The following CD96 variants were observed in gnomAD, a reference collection of about 807,000 sequenced individuals.
CD96 encodes the protein T-cell surface protein tactile.
Under a neutral mutation model 71.3 loss-of-function variants are expected in CD96, and 70 were observed. The observed-to-expected ratio is 0.98, with a 90% CI of 0.81 to 1.20. The LOEUF (loss-of-function observed/expected upper bound fraction) is 1.20. CD96 is among the 50% of genes most tolerant of loss of function. The pLI, the probability that CD96 is intolerant of heterozygous loss-of-function variation, is 0.00. For missense variants in CD96, 742 were observed against 677.5 expected, an observed-to-expected ratio of 1.10 and a Z score of -1.06; for synonymous variants, 248 against 233.0, an observed-to-expected ratio of 1.06 and a Z score of -0.59.
chr3:111,589,095 C>T (rs903075634), intron 5 of CD96, among the ~76,000 whole-genome samples: 9 of 151,814 alleles, frequency 5.9e-5, no homozygotes, highest in Non-Finnish European at 1.2e-4. Flanking sequence ...GGATTACAGG[C>T]GCCTGCCACC....
chr3:111,567,064 G>A (rs1935748682), intron 2 of CD96, among the ~76,000 whole-genome samples: 1 of 152,168 alleles, frequency 6.6e-6, no homozygotes, highest in African/African-American at 2.4e-5. Flanking sequence ...GGGGGAGGCT[G>A]TGGGTGGGTA....
chr3:111,618,974 A>C (rs1938387462), intron 8 of CD96, among the ~76,000 whole-genome samples: 1 of 152,120 alleles, frequency 6.6e-6, no homozygotes, highest in African/African-American at 2.4e-5. Context: ...GTCCATATTA[A>C]ATTATTTTTA....
At chr3:111,592,567 A>G (rs1937042223) in intron 5 of CD96, among the ~76,000 whole-genome samples, 2 of 151,428 alleles carry the variant, frequency 1.3e-5, no homozygotes, top group South Asian at 4.1e-4. Context: ...TTTTCCCTAG[A>G]GCACTGTCTC....
At chr3:111,653,653 C>T (rs1375292801), downstream of CD96, among the ~76,000 whole-genome samples, 1 of 152,118 alleles carries the variant, frequency 6.6e-6, no homozygotes, top group Non-Finnish European at 1.5e-5. Flanking sequence ...GTAAAACCAA[C>T]GTGATGACCC....
At chr3:111,566,689 T>C (rs1935728787) in intron 2 of CD96, among the ~76,000 whole-genome samples, 1 of 152,172 alleles carries the variant, frequency 6.6e-6, no homozygotes, top group Non-Finnish European at 1.5e-5. Flanking sequence ...ACTTTCCCAA[T>C]AGGAGAGACT....
intron 2 of CD96, among the ~76,000 whole-genome samples, chr3:111,549,124 C>T (rs1934563125): frequency 6.6e-6 from 1 of 152,040 alleles, no homozygotes; most frequent in Non-Finnish European, 1.5e-5. Context: ...CCTTTCCCTT[C>T]CCCCTTATTT....
At chr3:111,638,035 T>C in intron 11 of CD96, 44 bp from the exon 12 acceptor site, 2 of 1,038,726 alleles carry the variant, frequency 1.9e-6, no homozygotes, top group Non-Finnish European at 3.1e-6. Flanking sequence ...TACCACTTGA[T>C]CAAGTTGAGA....
Position 111,581,803 on chromosome 3 carries a change from G to T in CD96, c.751+2569G>T, listed in dbSNP as rs575225462. 7.2e-5 allele frequency among the ~76,000 whole-genome samples: 11 copies of T among 152,314 alleles called. No individual in the cohort carries two copies. In the South Asian group the frequency reaches 2.1e-3, roughly 29 times the overall value. ...GTAAGAGATACCTCTCCATCCATTA[G>T]TGTTTCAGGTTGTATCTTGGTTTTG... is the stretch of plus-strand genomic sequence containing the variant. On this transcript the variant is annotated intron_variant, in intron 4 of 13. Coordinates refer to ENST00000352690, the MANE Select transcript of CD96 (RefSeq NM_005816.5).
At chr3:111,624,116 A>G (rs1269833811) in intron 9 of CD96, among the ~76,000 whole-genome samples, 1 of 152,240 alleles carries the variant, frequency 6.6e-6, no homozygotes, top group Non-Finnish European at 1.5e-5. Flanking sequence ...GTTTGTGACA[A>G]GAACAGAAAA....
At chr3:111,662,834 T>G (rs1940389964) in intron 14 of CD96, among the ~76,000 whole-genome samples, 1 of 152,242 alleles carries the variant, frequency 6.6e-6, no homozygotes, top group African/African-American at 2.4e-5. Context: ...CTTCCTGCCT[T>G]CTTCTGATCC....
Position 111,598,147 on chromosome 3 carries a change from G to C in CD96, c.835G>C (p.Val279Leu). The stretch of plus-strand genomic sequence containing the variant: ...AAGATTTACCTGCTTACTAAAGAAT[G>C]TATTTCCCAAAGCAAATATCACATG... ...ERRFTCLLKN[V>L]FPKANITWFI... The change falls in exon 6 of 14, where the codon GTA (valine) becomes CTA (leucine). Residue 279 changes from valine (V) to leucine (L), a missense_variant. Physicochemically the swap from Val to Leu is conservative, Grantham distance 32. Coordinates refer to ENST00000352690, the MANE Select transcript of CD96 (RefSeq NM_005816.5). The C allele has an allele frequency of 6.7e-7, 1 of 1,494,126 alleles. No individual in the cohort carries two copies. Among genetic ancestry groups the C allele is most frequent in the Non-Finnish European group, 9.3e-7 (1 of 1,071,376 alleles). The allele number at this position is 1,494,126 out of a possible 1,614,324, so 92.6% of individuals were successfully genotyped here. A position where few individuals can be genotyped will look rare whatever the true frequency, so the allele number is the denominator to read the frequency against.
intron 2 of CD96, among the ~76,000 whole-genome samples, chr3:111,562,263 A>T (rs1935486581): frequency 6.6e-6 from 1 of 152,108 alleles, no homozygotes; most frequent in African/African-American, 2.4e-5. Context: ...AGTCTCTTAA[A>T]TTCAACACCT....
rs190330336 is a variant in CD96, at chr3:111,552,774, T to G, written c.418+7372T>G. Among the ~76,000 whole-genome samples, 158 of 152,336 alleles carry G rather than the reference T, an allele frequency of 1.0e-3. 1 individual carries two copies. In the Middle Eastern group the frequency reaches 0.014, roughly 13 times the overall value. ...AGGAAGAAAGGGATTGTTTTGTTTT[T>G]CTTAAAATATGTTGCTCATAACTGA... is the stretch of plus-strand genomic sequence containing the variant. On this transcript the variant is annotated intron_variant, in intron 2 of 13. Transcript: ENST00000352690.
At position 111,577,515 on chromosome 3, in the gene CD96, C is replaced by T. The variant is rs145204219; in HGVS notation, c.544-1512C>T. 7.8e-5 allele frequency: 125 copies of T among 1,606,670 alleles called. No individual in the cohort carries two copies. The highest frequency in any genetic ancestry group is 6.5e-4 in the African/African-American group (49 of 74,860). On this transcript the variant is annotated intron_variant, in intron 3 of 13. Coordinates refer to ENST00000352690, the MANE Select transcript of CD96 (RefSeq NM_005816.5). ...CTTCTTCCTTAGGAAAACAGCAGCA[C>T]GGATTCTTGGGTCCTTCTTTCTAAG...
At chr3:111,555,617 G>C (rs974669454) in intron 2 of CD96, among the ~76,000 whole-genome samples, 13 of 152,284 alleles carry the variant, frequency 8.5e-5, no homozygotes, top group Non-Finnish European at 4.4e-5. Context: ...TTGTTTGGTT[G>C]GTTGGTTTTT....
chr3:111,664,787 G>T (rs1364788700), intron 14 of CD96, among the ~76,000 whole-genome samples: 1 of 152,184 alleles, frequency 6.6e-6, no homozygotes, highest in Admixed American at 6.5e-5. Context: ...CATGACAATT[G>T]ATTGCAATAC....
chr3:111,556,451 G>A (rs59246574), intron 2 of CD96, among the ~76,000 whole-genome samples: 8 of 115,078 alleles, frequency 7.0e-5, no homozygotes, highest in East Asian at 2.6e-4. Flanking sequence ...GAGAATATGC[G>A]GTGTTTGGTT....
intron 2 of CD96, among the ~76,000 whole-genome samples, chr3:111,547,429 A>C (rs542596521): frequency 6.6e-6 from 1 of 152,244 alleles, no homozygotes; most frequent in East Asian, 1.9e-4. Context: ...TTTTTTGTAC[A>C]TTCTGCCTGA....
rs758477255 is a variant in CD96, at chr3:111,545,155, A to G, written c.171A>G (p.Gln57=). 2 of 1,614,180 alleles carry G rather than the reference A, an allele frequency of 1.2e-6. No homozygotes were observed. The highest frequency in any genetic ancestry group is 1.7e-5 in the Admixed American group (1 of 60,028). Reference sequence around the variant, plus strand: ...CAGTAGGCTTCTTCGTGCAGATGCAATGGTCCAAGGTCACCAATAAGATAG... The same window carrying G: ...CAGTAGGCTTCTTCGTGCAGATGCAGTGGTCCAAGGTCACCAATAAGATAG... ...TQTVGFFVQM[Q]WSKVTNKIDL... The change falls in exon 2 of 14, where the codon CAA becomes CAG. Residue 57 remains glutamine (Q), a synonymous_variant. Transcript: ENST00000352690.
Sources: gnomAD v4.1 joint callset for allele counts (sites outside exome capture counted in the v4.1 genomes callset) on GRCh38, gnomAD v4.1.1 for gene constraint, MANE v1.5 for transcripts, NCBI Gene and HGNC (gene_info 2026-07-23, HGNC 2026-07-21) for gene names.